Variants in HELZ2 observed in about 807,000 individuals in gnomAD.
HELZ2 encodes helicase with zinc finger 2.
A neutral mutation model predicts 208.8 loss-of-function variants in HELZ2; 143 were observed. That is an observed-to-expected ratio of 0.68 (90% CI 0.60 to 0.79). The LOEUF is 0.79. HELZ2 is among the 30% of genes least tolerant of loss of function. HELZ2 has a pLI of 0.00. For synonymous variants in HELZ2, 1,705 were observed against 1,693.7 expected (o/e 1.01, Z -0.16); for missense variants, 3,690 against 3,794.5 (o/e 0.97, Z 0.72).
intron 18 of HELZ2, among the ~76,000 whole-genome samples, 175 bp from the exon 20 acceptor site, chr20:63,559,545 AGG>A (rs530028697): frequency 3.9e-4 from 20 of 51,900 alleles, no homozygotes; most frequent in African/African-American, 1.4e-3. Context: ...GGGAGGAGTC[AGG>A]GTCAGGTGGG....
intron 1 of HELZ2, chr20:63,571,211 G>C (rs1322874340): frequency 1.1e-5 from 3 of 269,224 alleles, no homozygotes; most frequent in East Asian, 1.1e-4. Context: ...CTCCTGCCCC[G>C]CTCCAAGCTC....
exon 8 of HELZ2, chr20:63,564,704 G>A: frequency 6.2e-7 from 1 of 1,606,296 alleles, no homozygotes; most frequent in Non-Finnish European, 8.5e-7. Flanking sequence ...GGCCACATCA[G>A]TGATGTGCAC....
At chr20:63,564,182 C>T (rs770467333) in exon 8 of HELZ2, 7 of 1,611,292 alleles carry the variant, frequency 4.3e-6, no homozygotes, top group Middle Eastern at 1.6e-4. Context: ...CGTGACCGTC[C>T]GCGTGCACTC....
chr20:63,567,051 GC>G lies in HELZ2; in HGVS notation c.2306del (p.Gly769AlafsTer31). ...AGTGCCGGGGGTGGGGCGGAACCTTGCCCCTGGCGTGGATGGGGTTGCCCTT... is the reference window on the plus strand; with the variant it reads ...AGTGCCGGGGGTGGGGCGGAACCTTGCCCTGGCGTGGATGGGGTTGCCCTT... On this transcript the variant is annotated frameshift_variant, in exon 6 of 19. Transcript: ENST00000467148. LOFTEE classifies it high-confidence loss of function. 1.9e-6 allele frequency: 3 copies of G among 1,612,114 alleles called. No homozygotes were observed. The highest frequency in any genetic ancestry group is 1.7e-6 in the Non-Finnish European group (2 of 1,179,984).
chr20:63,565,901 C>T lies in HELZ2; in HGVS notation c.2921G>A (p.Trp974Ter). The change falls in exon 8 of 19, where the codon TGG becomes TAG. Residue 974 changes from tryptophan (W) to a stop codon, truncating the protein, a stop_gained. Transcript: ENST00000467148. LOFTEE classifies it high-confidence loss of function. ...CCCTACTGGCTCTGGGGCAGCCTCC[C>T]AGTTCCCCGCTGCCCCAGCCTGTGT... 1 of 1,597,196 alleles carries T rather than the reference C, an allele frequency of 6.3e-7. No homozygotes were observed. The highest frequency in any genetic ancestry group is 8.5e-7 in the Non-Finnish European group (1 of 1,178,940).
exon 4 of HELZ2, chr20:63,569,556 C>G: frequency 6.2e-7 from 1 of 1,601,846 alleles, no homozygotes; most frequent in Non-Finnish European, 8.5e-7. Context: ...GCTGGGCACA[C>G]GGAAGCGCTC....
At chr20:63,570,562 A>G in exon 3 of HELZ2, 1 of 1,613,442 alleles carries the variant, frequency 6.2e-7, no homozygotes, top group South Asian at 1.1e-5. Flanking sequence ...GGCCTGGTAC[A>G]TCAGGGGCTG....
chr20:63,569,452 C>A, exon 4 of HELZ2: 3 of 1,609,834 alleles, frequency 1.9e-6, no homozygotes, highest in Non-Finnish European at 2.5e-6. Context: ...TGTAGCAGCA[C>A]CGGCCGGCGG....
In HELZ2 at chr20:63,568,727, CA is replaced by C; in HGVS notation, c.1360del (p.Cys454AlafsTer23). ...CTCAGGCTGCAGCCCCAGGGCCAAG[CA>C]GCAGCGGGCCGGAAGCAGCAGCCAC... On this transcript the variant is annotated frameshift_variant, in exon 5 of 19. Transcript: ENST00000467148. LOFTEE classifies it high-confidence loss of function. 1.2e-6 allele frequency: 2 copies of C among 1,605,500 alleles called. No homozygotes were observed. The highest frequency in any genetic ancestry group is 1.7e-6 in the Non-Finnish European group (2 of 1,178,700).
chr20:63,572,174 T>C, exon 1 of HELZ2: 1 of 1,610,530 alleles, frequency 6.2e-7, no homozygotes, highest in South Asian at 1.1e-5. Flanking sequence ...CAGGGCCTGG[T>C]CGAAGGCCAC....
Position 63,567,333 on chromosome 20 carries a change from G to A in HELZ2, c.2025C>T (p.Cys675=), listed in dbSNP as rs3827025. The change falls in exon 6 of 19, where the codon TGC becomes TGT. Residue 675 remains cysteine (C), a synonymous_variant. Coordinates refer to ENST00000467148, the Ensembl canonical transcript of HELZ2. The stretch of plus-strand genomic sequence containing the variant: ...CATAGGCCAGCGGGGTGAGGGCCTC[G>A]CACTCCAGCATCTGGGCCGCCTCAT... 0.095 allele frequency: 152,321 copies of A among 1,606,534 alleles called. 14,418 individuals carry two copies. Among genetic ancestry groups the A allele is most frequent in the African/African-American group, 0.48 (35,725 of 74,904 alleles).
exon 8 of HELZ2, chr20:63,565,972 C>G (rs1014594851): frequency 6.3e-7 from 1 of 1,599,308 alleles, no homozygotes. Context: ...CCTGCTCGAC[C>G]TGCTCCATGG....
chr20:63,559,138 A>T, downstream of HELZ2: 1 of 1,212,372 alleles, frequency 8.2e-7, no homozygotes, highest in Non-Finnish European at 1.1e-6. Context: ...TCCTGAGGCC[A>T]GGAGGCAGGC....
exon 8 of HELZ2, chr20:63,563,360 A>C (rs3810486): frequency 0.22 from 338,946 of 1,537,552 alleles, 42,815 homozygotes; most frequent in East Asian, 0.62. Context: ...CTCCACGGCC[A>C]GGGTGTGTGG....
At chr20:63,561,545 G>T in intron 12 of HELZ2, 56 bp downstream of exon 13, 5 of 1,576,762 alleles carry the variant, frequency 3.2e-6, no homozygotes, top group Non-Finnish European at 4.3e-6. Flanking sequence ...ACCTACACAG[G>T]ACTGTCTGGA....
At position 63,564,164 on chromosome 20, in the gene HELZ2, C is replaced by T. The variant is rs536838658; in HGVS notation, c.4658G>A (p.Arg1553Gln). The T allele has an allele frequency of 1.4e-5, 22 of 1,611,618 alleles. No homozygotes were observed. The South Asian group carries it at 1.4e-4, about 10-fold the overall frequency. ...CTGGCTGCGGGGTGCTGGCTGCCAC[C>T]GCAGAGGCGTGACCGTCCGCGTGCA... The change falls in exon 8 of 19, where the codon CGG (arginine) becomes CAG (glutamine). Residue 1553 changes from arginine (R) to glutamine (Q), a missense_variant. By Grantham distance (43) the Arg-to-Gln change is conservative (BLOSUM62 1). Around this residue, in one of 3 missense-constraint regions of HELZ2, gnomAD observed 2,564 missense variants for 2,580.5 expected, o/e 0.99. Coordinates refer to ENST00000467148, the Ensembl canonical transcript of HELZ2.
exon 6 of HELZ2, chr20:63,566,878 T>C: frequency 6.2e-7 from 1 of 1,605,832 alleles, no homozygotes; most frequent in Non-Finnish European, 8.5e-7. Flanking sequence ...GATGCACCTC[T>C]GCTCGCGGCC....
chr20:63,558,913 G>A (rs1180785128), downstream of HELZ2: 7 of 227,232 alleles, frequency 3.1e-5, no homozygotes, highest in Non-Finnish European at 5.2e-5. Context: ...ATTACAGGTG[G>A]CGTCCAAAGG....
At chr20:63,572,609 G>T, upstream of HELZ2, 1 of 534,630 alleles carries the variant, frequency 1.9e-6, no homozygotes, top group Non-Finnish European at 3.3e-6. Context: ...ACAGATGCAT[G>T]GGGGACAGCG....
Sources: allele counts gnomAD v4.1 joint callset (sites outside exome capture counted in the v4.1 genomes callset), GRCh38; gene constraint gnomAD v4.1.1; regional missense constraint gnomAD v4.1.1; transcripts MANE v1.5; gene names NCBI Gene and HGNC (gene_info 2026-07-23, HGNC 2026-07-21).